Variants in ZNF608 observed in about 807,000 individuals in gnomAD.
ZNF608 encodes zinc finger protein 608.
Under a neutral mutation model 109.0 loss-of-function variants are expected in ZNF608, and 12 were observed. The ratio of observed to expected loss-of-function variants is 0.11; its 90% confidence interval spans 0.07 to 0.18. The LOEUF (loss-of-function observed/expected upper bound fraction) is 0.18. ZNF608 is among the 10% of genes least tolerant of loss of function. The pLI is 1.00. For synonymous variants in ZNF608, 732 were observed against 717.4 expected (o/e 1.02, Z -0.33); for missense variants, 1,707 against 1,879.3 (o/e 0.91, Z 1.70).
chr5:124,668,814 C>G (rs575051914), intron 3 of ZNF608, among the ~76,000 whole-genome samples: 10 of 152,232 alleles, frequency 6.6e-5, no homozygotes, highest in African/African-American at 2.4e-4. Context: ...GGGTTTAAGA[C>G]AAGACTTCCT....
chr5:124,688,577 T>G (rs1752487177), intron 3 of ZNF608, among the ~76,000 whole-genome samples: 1 of 152,236 alleles, frequency 6.6e-6, no homozygotes, highest in Non-Finnish European at 1.5e-5. Flanking sequence ...CAATATGTGT[T>G]TCTACTACAT....
At chr5:124,712,160 A>T (rs1202867643) in intron 2 of ZNF608, among the ~76,000 whole-genome samples, 1 of 152,200 alleles carries the variant, frequency 6.6e-6, no homozygotes, top group East Asian at 1.9e-4. Context: ...ACATAAAAAA[A>T]GAAGCCATTG....
At chr5:124,698,088 AC>A (rs760965140) in intron 3 of ZNF608, among the ~76,000 whole-genome samples, 20 of 152,214 alleles carry the variant, frequency 1.3e-4, no homozygotes, top group African/African-American at 4.6e-4. Flanking sequence ...TGTTAGTGAA[AC>A]CTCACACTAC....
rs762985854 is a variant in ZNF608, at chr5:124,646,939, G to T, written c.3445C>A (p.Pro1149Thr). The change falls in exon 5 of 10, where the codon CCA becomes ACA. Residue 1149 changes from proline to threonine, a missense_variant. Coordinates refer to ENST00000513986, the MANE Select transcript of ZNF608 (RefSeq NM_020747.3). ...GKEETKQKNM[P>T]SATISKAPST... The stretch of plus-strand genomic sequence containing the variant: ...GGAGCTTTTGAGATTGTGGCCGATG[G>T]CATATTTTTCTGTTTAGTTTCCTCC... 1 of 1,613,932 alleles carries T rather than the reference G, an allele frequency of 6.2e-7. No individual in the cohort carries two copies.
At chr5:124,697,151 C>A (rs925010333) in intron 3 of ZNF608, among the ~76,000 whole-genome samples, 8 of 148,168 alleles carry the variant, frequency 5.4e-5, no homozygotes, top group African/African-American at 2.0e-4. Flanking sequence ...GATAGAGTGG[C>A]AGAGCAGTAG....
intron 3 of ZNF608, among the ~76,000 whole-genome samples, chr5:124,659,413 T>C (rs971333360): frequency 2.1e-4 from 32 of 152,182 alleles, no homozygotes; most frequent in African/African-American, 6.8e-4. Flanking sequence ...TCTGGCAGCA[T>C]AGTCTGTTTC....
At chr5:124,724,613 T>C (rs555464388) in intron 2 of ZNF608, among the ~76,000 whole-genome samples, 20 of 150,026 alleles carry the variant, frequency 1.3e-4, no homozygotes, top group Non-Finnish European at 2.8e-4. Context: ...ACAGCACGTG[T>C]GTGTGTGTGT....
At chr5:124,701,327 C>A (rs1232858700) in intron 2 of ZNF608, 58 bp from the exon 3 acceptor site, 2 of 1,587,430 alleles carry the variant, frequency 1.3e-6, no homozygotes, top group Admixed American at 1.7e-5. Context: ...CCTTTTAATG[C>A]AATTTGCTTA....
chr5:124,640,546 A>T (rs559122804), intron 8 of ZNF608, among the ~76,000 whole-genome samples: 1 of 152,216 alleles, frequency 6.6e-6, no homozygotes, highest in Non-Finnish European at 1.5e-5. Flanking sequence ...AGCCTCCAGA[A>T]CTGTGAGAAA....
At chr5:124,721,971 A>AAAAAAAAAAAAAAAAC (rs1463656704) in intron 2 of ZNF608, among the ~76,000 whole-genome samples, 1 of 145,670 alleles carries the variant, frequency 6.9e-6, no homozygotes, top group Non-Finnish European at 1.5e-5. Flanking sequence ...AAAAAAAAAA[A>AAAAAAAAAAAAAAAAC]AGAACTCAAA....
At chr5:124,746,158 A>G (rs773377279) in intron 1 of ZNF608, 37 bp downstream of exon 1, 2 of 984,946 alleles carry the variant, frequency 2.0e-6, no homozygotes, top group Non-Finnish European at 2.4e-6. Flanking sequence ...ATAAATATAC[A>G]TACACACACA....
chr5:124,700,116 G>C (rs4360036), intron 3 of ZNF608, among the ~76,000 whole-genome samples: 14,218 of 151,796 alleles, frequency 0.094, 799 homozygotes, highest in South Asian at 0.14. Flanking sequence ...ATTTTTCTTT[G>C]TTCTCTGGTC....
Position 124,701,169 on chromosome 5 carries a change from A to G in ZNF608, c.1007T>C (p.Ile336Thr). Reference protein sequence around the residue: ...PSYFSPSSSNIAAPVEQLLVR... With the variant: ...PSYFSPSSSNTAAPVEQLLVR... ...CAAAAGCTGTTCAACCGGTGCTGCAATATTGGATGAAGATGGGGAAAAGTA... is the reference window on the plus strand; with the variant it reads ...CAAAAGCTGTTCAACCGGTGCTGCAGTATTGGATGAAGATGGGGAAAAGTA... Residue 336 changes from isoleucine to threonine, a missense_variant, in exon 3 of 10, where the codon ATT becomes ACT. Physicochemically the swap from Ile to Thr is moderately conservative, Grantham distance 89. Around this residue, in one of 7 missense-constraint regions of ZNF608, gnomAD observed 407 missense variants for 398.7 expected, o/e 1.02. Transcript: ENST00000513986. The G allele has an allele frequency of 6.2e-7, 1 of 1,614,166 alleles. No homozygotes were observed. Among genetic ancestry groups the G allele is most frequent in the Non-Finnish European group, 8.5e-7 (1 of 1,180,016 alleles).
chr5:124,658,426 T>C (rs1275577860), intron 3 of ZNF608, among the ~76,000 whole-genome samples: 1 of 152,250 alleles, frequency 6.6e-6, no homozygotes, highest in Non-Finnish European at 1.5e-5. Flanking sequence ...TGTATACATT[T>C]GTACCAAGGG....
intron 2 of ZNF608, chr5:124,708,093 C>T (rs1753333428): frequency 6.6e-6 from 1 of 152,192 alleles, no homozygotes; most frequent in African/African-American, 2.4e-5. Context: ...AGAGGATGGG[C>T]CACTTTATCT....
At chr5:124,672,708 C>T (rs1751778946) in intron 3 of ZNF608, among the ~76,000 whole-genome samples, 1 of 152,112 alleles carries the variant, frequency 6.6e-6, no homozygotes, top group Non-Finnish European at 1.5e-5. Flanking sequence ...TTACCAAGCC[C>T]AGAGCTAAAC....
chr5:124,658,001 T>C (rs182928289), intron 3 of ZNF608, among the ~76,000 whole-genome samples: 111 of 152,278 alleles, frequency 7.3e-4, no homozygotes, highest in African/African-American at 2.4e-3. Flanking sequence ...TAAAATAAAA[T>C]AAAATATATG....
intron 3 of ZNF608, 56 bp from the exon 4 acceptor site, chr5:124,649,753 C>A: frequency 1.8e-6 from 2 of 1,092,820 alleles, no homozygotes; most frequent in Non-Finnish European, 2.6e-6. Flanking sequence ...ACTGTTATTT[C>A]CAGTTCACTT....
At chr5:124,668,195 A>AATATATATATAT (rs34612595) in intron 3 of ZNF608, among the ~76,000 whole-genome samples, 2 of 135,678 alleles carry the variant, frequency 1.5e-5, no homozygotes, top group Middle Eastern at 3.6e-3. Context: ...TATGCTTAAA[A>AATATATATATAT]ATATATATAT....
Sources: gnomAD v4.1 joint callset for allele counts (sites outside exome capture counted in the v4.1 genomes callset) on GRCh38, gnomAD v4.1.1 for gene constraint, gnomAD v4.1.1 regional missense constraint, MANE v1.5 for transcripts, NCBI Gene and HGNC (gene_info 2026-07-23, HGNC 2026-07-21) for gene names.